The following ASIC2 variants were observed in gnomAD, a reference collection of about 807,000 sequenced individuals.
The protein encoded by ASIC2 is acid-sensing ion channel 2.
Under a neutral mutation model 57.3 loss-of-function variants are expected in ASIC2, and 25 were observed. That is an observed-to-expected ratio of 0.44 (90% CI 0.32 to 0.61). The LOEUF (loss-of-function observed/expected upper bound fraction) is 0.61. Among genes scored for constraint, ASIC2 ranks in the 20% least tolerant of loss-of-function variants. ASIC2 has a pLI of 0.06. For synonymous variants in ASIC2, 319 were observed against 307.5 expected, an observed-to-expected ratio of 1.04 and a Z score of -0.39; for missense variants, 641 against 738.1, an observed-to-expected ratio of 0.87 and a Z score of 1.52.
At chr17:33,391,229 C>T (rs1440950335) in intron 1 of ASIC2, among the ~76,000 whole-genome samples, 2 of 152,140 alleles carry the variant, frequency 1.3e-5, no homozygotes, top group Non-Finnish European at 2.9e-5. Flanking sequence ...GGATTATTTG[C>T]AGAATGGGAC....
chr17:33,146,227 C>G (rs546440719), intron 1 of ASIC2, among the ~76,000 whole-genome samples: 1 of 152,200 alleles, frequency 6.6e-6, no homozygotes, highest in Admixed American at 6.5e-5. Context: ...ACCCACAGGA[C>G]AGTTGAATGA....
At chr17:33,918,156 C>T (rs945656441) in intron 1 of ASIC2, among the ~76,000 whole-genome samples, 1 of 152,108 alleles carries the variant, frequency 6.6e-6, no homozygotes, top group Non-Finnish European at 1.5e-5. Context: ...TCCTTCTCTC[C>T]AACTCTGCTT....
At chr17:33,496,811 T>A (rs1355876969) in intron 1 of ASIC2, among the ~76,000 whole-genome samples, 10 of 151,860 alleles carry the variant, frequency 6.6e-5, no homozygotes, top group Middle Eastern at 3.2e-3. Flanking sequence ...AGAGACAGGG[T>A]TTCACCATGT....
chr17:33,619,089 GA>G (rs1187718103), intron 1 of ASIC2, among the ~76,000 whole-genome samples: 5 of 151,978 alleles, frequency 3.3e-5, no homozygotes, highest in Admixed American at 3.3e-4. Flanking sequence ...AAGATCAAAA[GA>G]AAAAAGTATT....
intron 1 of ASIC2, among the ~76,000 whole-genome samples, chr17:33,801,826 A>G (rs1200053547): frequency 1.3e-5 from 2 of 152,228 alleles, no homozygotes; most frequent in Non-Finnish European, 2.9e-5. Flanking sequence ...TACAGGGCTC[A>G]ATACCCACAG....
chr17:33,049,634 C>T (rs1379126086), intron 3 of ASIC2, among the ~76,000 whole-genome samples: 2 of 152,158 alleles, frequency 1.3e-5, no homozygotes, highest in Non-Finnish European at 2.9e-5. Flanking sequence ...CAGTCAATGG[C>T]AGCTGTTGTT....
At chr17:33,981,092 C>T (rs758097563) in intron 1 of ASIC2, among the ~76,000 whole-genome samples, 4 of 151,954 alleles carry the variant, frequency 2.6e-5, no homozygotes, top group Non-Finnish European at 4.4e-5. Flanking sequence ...TGCACAATCT[C>T]GCCTGGCTAA....
chr17:33,849,618 C>T (rs1195991124), intron 1 of ASIC2, among the ~76,000 whole-genome samples: 1 of 152,160 alleles, frequency 6.6e-6, no homozygotes, highest in Non-Finnish European at 1.5e-5. Flanking sequence ...AGGGAGGAAG[C>T]CTTCCCCTTG....
chr17:33,696,179 T>C (rs1249347884), intron 1 of ASIC2, among the ~76,000 whole-genome samples: 2 of 152,096 alleles, frequency 1.3e-5, no homozygotes, highest in Admixed American at 1.3e-4. Flanking sequence ...AGGAGGCACA[T>C]TTTCCTTTTA....
chr17:34,000,764 C>G (rs561556017), intron 1 of ASIC2: 1 of 152,296 alleles, frequency 6.6e-6, no homozygotes, highest in East Asian at 1.9e-4. Flanking sequence ...TTTCTTCACT[C>G]TATTTCATTC....
At chr17:33,683,813 C>T (rs568769442) in intron 1 of ASIC2, among the ~76,000 whole-genome samples, 133 of 152,248 alleles carry the variant, frequency 8.7e-4, no homozygotes, top group African/African-American at 3.0e-3. Flanking sequence ...CACTGTGCCC[C>T]GTCTCCCCTT....
At chr17:33,170,360 T>C (rs1227418869) in intron 1 of ASIC2, among the ~76,000 whole-genome samples, 2 of 152,174 alleles carry the variant, frequency 1.3e-5, no homozygotes, top group Non-Finnish European at 2.9e-5. Context: ...AAATAGGAAA[T>C]GATCTCCCAT....
intron 1 of ASIC2, among the ~76,000 whole-genome samples, chr17:33,594,615 T>A (rs1181874268): frequency 6.6e-6 from 1 of 150,802 alleles, no homozygotes; most frequent in Non-Finnish European, 1.5e-5. Context: ...GATCACGAGA[T>A]CAGAAGATCG....
At chr17:34,051,544 T>A (rs138044831) in intron 1 of ASIC2, among the ~76,000 whole-genome samples, 6 of 152,318 alleles carry the variant, frequency 3.9e-5, no homozygotes, top group African/African-American at 1.4e-4. Context: ...ATTGTGCATA[T>A]CCACCCTTCT....
rs1299189471 is a variant in ASIC2 at position 33,341,972 on chromosome 17, T to C, written c.556-229905A>G. Among the ~76,000 whole-genome samples the C allele has an allele frequency of 2.6e-5, 4 of 152,192 alleles. No homozygotes were observed. The East Asian group carries it at 7.7e-4, about 29-fold the overall frequency. On this transcript the variant is annotated intron_variant, in intron 1 of 9. Coordinates refer to the ASIC2 transcript ENST00000359872. Reference sequence around the variant, plus strand: ...CCCCACCCACTCCTGAACAAATAAATAGCAAGAAAATGCAAACAGAGGGAA... The same window carrying C: ...CCCCACCCACTCCTGAACAAATAAACAGCAAGAAAATGCAAACAGAGGGAA...
At chr17:33,698,746 G>A (rs1908606040) in intron 1 of ASIC2, among the ~76,000 whole-genome samples, 1 of 152,074 alleles carries the variant, frequency 6.6e-6, no homozygotes, top group African/African-American at 2.4e-5. Context: ...GTTCTGCTGG[G>A]GAGGAAAGGG....
At chr17:33,914,945 G>T (rs1451712535) in intron 1 of ASIC2, among the ~76,000 whole-genome samples, 1 of 152,162 alleles carries the variant, frequency 6.6e-6, no homozygotes, top group African/African-American at 2.4e-5. Context: ...CTTTCGGAAG[G>T]CATGATCCAT....
At chr17:33,142,869 T>C (rs2142019645) in intron 1 of ASIC2, among the ~76,000 whole-genome samples, 1 of 152,346 alleles carries the variant, frequency 6.6e-6, no homozygotes, top group African/African-American at 2.4e-5. Context: ...ATGGTAAATT[T>C]CCTTGAGTGG....
At chr17:34,144,918 G>T (rs923528967) in intron 1 of ASIC2, among the ~76,000 whole-genome samples, 2 of 152,096 alleles carry the variant, frequency 1.3e-5, no homozygotes, top group South Asian at 2.1e-4. Flanking sequence ...CTATAGCTGG[G>T]TCTATCTCTA....
Sources: gnomAD v4.1 joint callset for allele counts (sites outside exome capture counted in the v4.1 genomes callset) on GRCh38, gnomAD v4.1.1 for gene constraint, MANE v1.5 for transcripts, NCBI Gene and HGNC (gene_info 2026-07-23, HGNC 2026-07-21) for gene names.